IRAK2: variants seen among roughly 807,000 people sequenced by gnomAD.
IRAK2 encodes interleukin-1 receptor-associated kinase-like 2.
A neutral mutation model predicts 72.0 loss-of-function variants in IRAK2; 57 were observed. That is an observed-to-expected ratio of 0.79 (90% CI 0.64 to 0.99). IRAK2 has a LOEUF of 0.99. IRAK2 is among the 50% of genes least tolerant of loss of function. The probability of loss-of-function intolerance (pLI) is 0.00; values close to 1 mark genes in which losing one functional copy is unlikely to be tolerated. For missense variants in IRAK2, 790 were observed against 794.4 expected, an observed-to-expected ratio of 0.99 and a Z score of 0.07; for synonymous variants, 293 against 312.7, an observed-to-expected ratio of 0.94 and a Z score of 0.67.
chr3:10,230,098 AAAAAAAT>A (rs1039635172), intron 10 of IRAK2, among the ~76,000 whole-genome samples: 5 of 152,158 alleles, frequency 3.3e-5, no homozygotes, highest in African/African-American at 1.2e-4. Flanking sequence ...ACTCTGTCTC[AAAAAAAT>A]AAAAAAGTAA....
intron 12 of IRAK2, among the ~76,000 whole-genome samples, chr3:10,241,801 C>CAAAAAA (rs4019566): frequency 3.6e-5 from 3 of 83,142 alleles, no homozygotes; most frequent in African/African-American, 4.8e-5. Flanking sequence ...GACTCCATCT[C>CAAAAAA]AAAAAAAAAA....
chr3:10,216,480 G>C (rs1156750065), intron 6 of IRAK2, among the ~76,000 whole-genome samples: 1 of 152,094 alleles, frequency 6.6e-6, no homozygotes, highest in African/African-American at 2.4e-5. Flanking sequence ...CAAAGGAGGA[G>C]GGTCTTAGTG....
At chr3:10,175,388 A>G (rs1575952800) in intron 1 of IRAK2, among the ~76,000 whole-genome samples, 1 of 152,070 alleles carries the variant, frequency 6.6e-6, no homozygotes, top group Non-Finnish European at 1.5e-5. Context: ...CAGCCTCCCA[A>G]AGTGCTAGGA....
chr3:10,235,467 T>C (rs1697942824), intron 11 of IRAK2, among the ~76,000 whole-genome samples: 1 of 152,138 alleles, frequency 6.6e-6, no homozygotes, highest in Non-Finnish European at 1.5e-5. Flanking sequence ...CCGGCCTTGC[T>C]TGGTCTTTCT....
chr3:10,169,079 G>T (rs944265902), intron 1 of IRAK2, among the ~76,000 whole-genome samples: 1 of 152,090 alleles, frequency 6.6e-6, no homozygotes, highest in African/African-American at 2.4e-5. Flanking sequence ...GACCGTGATG[G>T]TGACCCCGAG....
chr3:10,228,199 G>T (rs1697809584), intron 10 of IRAK2, among the ~76,000 whole-genome samples: 2 of 151,986 alleles, frequency 1.3e-5, no homozygotes, highest in African/African-American at 2.4e-5. Flanking sequence ...TTTTCCTACT[G>T]GGTATTGAGG....
At chr3:10,200,257 A>G in intron 2 of IRAK2, 112 bp from the exon 3 acceptor site, 1 of 940,266 alleles carries the variant, frequency 1.1e-6, no homozygotes, top group Non-Finnish European at 1.6e-6. Context: ...AACACCATGC[A>G]TTTGTGGCAG....
At chr3:10,230,139 G>A (rs1293710220) in intron 10 of IRAK2, among the ~76,000 whole-genome samples, 1 of 152,078 alleles carries the variant, frequency 6.6e-6, no homozygotes, top group Non-Finnish European at 1.5e-5. Flanking sequence ...TGTATGTTCT[G>A]ACAGGGACAT....
intron 12 of IRAK2, 69 bp from the exon 13 acceptor site, chr3:10,242,047 G>T: frequency 2.3e-6 from 2 of 867,726 alleles, no homozygotes; most frequent in Non-Finnish European, 1.9e-6. Flanking sequence ...TGATTTAAGT[G>T]ACTTTAAGAA....
intron 11 of IRAK2, among the ~76,000 whole-genome samples, chr3:10,235,158 C>G (rs1697936255): frequency 6.6e-6 from 1 of 152,152 alleles, no homozygotes; most frequent in African/African-American, 2.4e-5. Context: ...GTGTCGGCGC[C>G]AGGTCCCAAA....
chr3:10,217,369 G>A (rs981933894), intron 7 of IRAK2, among the ~76,000 whole-genome samples: 4 of 152,166 alleles, frequency 2.6e-5, no homozygotes, highest in Non-Finnish European at 4.4e-5. Context: ...ATTATTTGAC[G>A]AGAAGCATTT....
At position 10,212,763 on chromosome 3, in the gene IRAK2, C is replaced by CTT. The variant is rs543464447; in HGVS notation, c.529-426_529-425dup. Among the ~76,000 whole-genome samples, 1,156 of 125,934 alleles carry CTT rather than the reference C, an allele frequency of 9.2e-3. 23 individuals are homozygous for CTT. The highest frequency in any genetic ancestry group is 0.034 in the Middle Eastern group (8 of 234). The allele number at this position is 125,934 out of a possible 152,430, so 82.6% of individuals were successfully genotyped here. On this transcript the variant is annotated intron_variant, in intron 4 of 12. Coordinates refer to ENST00000256458, the MANE Select transcript of IRAK2 (RefSeq NM_001570.4). ...ATTTGAGCTTGGGCCTATCCATGTC[C>CTT]TTTTTTTTTTTTTTTTTTTGAGACA...
At position 10,238,911 on chromosome 3, in the gene IRAK2, CA is replaced by C. The variant is rs745939331; in HGVS notation, c.1638del (p.Trp548GlyfsTer58). On this transcript the variant is annotated frameshift_variant, in exon 12 of 13. Transcript: ENST00000256458. LOFTEE classifies it high-confidence loss of function. The part of the protein sequence containing the change: ...SLDASSSMSV[A>X]PWAGAATPLL... ...GATGCCTCCTCCTCCATGAGTGTGG[CA>C]CCCTGGGCAGGGGCTGCCACCCCAC... 1 of 1,614,166 alleles carries C rather than the reference CA, an allele frequency of 6.2e-7. No individual in the cohort carries two copies. The highest frequency in any genetic ancestry group is 8.5e-7 in the Non-Finnish European group (1 of 1,180,020).
chr3:10,227,050 A>C lies in IRAK2; in HGVS notation c.1272+617A>C, dbSNP rs1224152210. Among the ~76,000 whole-genome samples the C allele has an allele frequency of 2.0e-5, 3 of 152,158 alleles. No homozygotes were observed. In the East Asian group the frequency reaches 5.8e-4, roughly 29 times the overall value. The stretch of plus-strand genomic sequence containing the variant: ...AGGCAATTCATTAGGGATTTTCCTC[A>C]AATTGATAAAAGTTAATTTCAGCCC... On this transcript the variant is annotated intron_variant, in intron 10 of 12. Transcript: ENST00000256458.
chr3:10,184,817 C>T (rs1210643189), intron 2 of IRAK2, among the ~76,000 whole-genome samples: 2 of 149,518 alleles, frequency 1.3e-5, no homozygotes, highest in Non-Finnish European at 2.9e-5. Context: ...GCAAGCTCCG[C>T]CTCCCAGGTT....
intron 7 of IRAK2, among the ~76,000 whole-genome samples, chr3:10,217,994 A>G (rs929328654): frequency 2.6e-5 from 4 of 152,202 alleles, no homozygotes; most frequent in African/African-American, 9.6e-5. Flanking sequence ...GCCCAAAGGA[A>G]CATAGAGGAC....
At chr3:10,237,929 CTG>C (rs138639711) in intron 11 of IRAK2, among the ~76,000 whole-genome samples, 2,138 of 138,218 alleles carry the variant, frequency 0.015, 29 homozygotes, top group East Asian at 0.062. Context: ...TATGTGTGCT[CTG>C]TGTGTGTGTG....
In IRAK2 at chr3:10,207,759, G is replaced by A. The variant is rs528266446; in HGVS notation, c.425-1830G>A. On this transcript the variant is annotated intron_variant, in intron 3 of 12. Coordinates refer to ENST00000256458, the MANE Select transcript of IRAK2 (RefSeq NM_001570.4). ...TATAATCCCAGCACTTTGGGAGGCCGAGGCAAGTGGATCACTTGAGGTCAG... is the reference window on the plus strand; with the variant it reads ...TATAATCCCAGCACTTTGGGAGGCCAAGGCAAGTGGATCACTTGAGGTCAG... Among the ~76,000 whole-genome samples the A allele has an allele frequency of 1.1e-4, 16 of 152,232 alleles. No homozygotes were observed. The South Asian group carries it at 2.3e-3, about 22-fold the overall frequency.
chr3:10,183,489 G>A (rs984540899), intron 2 of IRAK2, among the ~76,000 whole-genome samples: 8 of 152,136 alleles, frequency 5.3e-5, no homozygotes, highest in Non-Finnish European at 5.9e-5. Flanking sequence ...AGGCCGAGGC[G>A]GGCAGATCAC....
Sources: gnomAD v4.1 joint callset for allele counts (sites outside exome capture counted in the v4.1 genomes callset) on GRCh38, gnomAD v4.1.1 for gene constraint, MANE v1.5 for transcripts, NCBI Gene and HGNC (gene_info 2026-07-23, HGNC 2026-07-21) for gene names.